ERN1: variants seen among roughly 807,000 people sequenced by gnomAD.
ERN1 encodes the protein serine/threonine-protein kinase/endoribonuclease IRE1.
In ERN1, 39 loss-of-function variants were observed where a neutral mutation model predicts 113.1. That is an observed-to-expected ratio of 0.34 (90% CI 0.27 to 0.45). The LOEUF (loss-of-function observed/expected upper bound fraction) is 0.45, where lower values mean the gene tolerates loss of function less well. Ranked by LOEUF, ERN1 falls within the 20% of genes least tolerant of loss-of-function variation. The probability of loss-of-function intolerance (pLI) is 1.00; values close to 1 mark genes in which losing one functional copy is unlikely to be tolerated. For synonymous variants in ERN1, 507 were observed against 515.9 expected (o/e 0.98, Z 0.23); for missense variants, 976 against 1,274.8 (o/e 0.77, Z 3.57).
At chr17:64,101,877 T>C (rs1914394449) in intron 1 of ERN1, among the ~76,000 whole-genome samples, 1 of 152,192 alleles carries the variant, frequency 6.6e-6, no homozygotes, top group African/African-American at 2.4e-5. Flanking sequence ...CAGTGCTCCT[T>C]TGCTACTAGT....
At chr17:64,098,943 T>C (rs549766918) in intron 1 of ERN1, among the ~76,000 whole-genome samples, 1 of 152,346 alleles carries the variant, frequency 6.6e-6, no homozygotes, top group African/African-American at 2.4e-5. Context: ...TGAAAATTAC[T>C]AGTATCATCT....
At chr17:64,111,114 G>A (rs1914659980) in intron 1 of ERN1, among the ~76,000 whole-genome samples, 1 of 152,112 alleles carries the variant, frequency 6.6e-6, no homozygotes, top group South Asian at 2.1e-4. Context: ...AGGCAGGAAT[G>A]GACAAGGGAC....
chr17:64,129,784 G>T, intron 1 of ERN1, 192 bp downstream of exon 1: 1 of 449,262 alleles, frequency 2.2e-6, no homozygotes, highest in South Asian at 9.8e-5. Flanking sequence ...CGCGACTCCC[G>T]TCAGGGAAGC....
chr17:64,052,932 C>T lies in ERN1; in HGVS notation c.2101G>A (p.Ala701Thr). 1 of 1,613,738 alleles carries T rather than the reference C, an allele frequency of 6.2e-7. No individual in the cohort carries two copies. Among genetic ancestry groups the T allele is most frequent in the South Asian group, 1.1e-5 (1 of 91,002 alleles). Residue 701 changes from alanine to threonine, a missense_variant, in exon 17 of 22, where the codon GCA (alanine) becomes ACA (threonine). Coordinates refer to ENST00000433197, the MANE Select transcript of ERN1 (RefSeq NM_001433.5). Reference protein sequence around the residue: ...PHNILISMPNAHGKIKAMISD... With the variant: ...PHNILISMPNTHGKIKAMISD... ...ATCATGGCCTTGATCTTGCCGTGTGCATTGGGCATGGATATGAGGATGTTG... is the reference window on the plus strand; with the variant it reads ...ATCATGGCCTTGATCTTGCCGTGTGTATTGGGCATGGATATGAGGATGTTG...
chr17:64,066,001 T>C (rs1433752476), intron 8 of ERN1, among the ~76,000 whole-genome samples: 2 of 152,146 alleles, frequency 1.3e-5, no homozygotes. Context: ...TTTTACAATC[T>C]AAACACTTGC....
chr17:64,107,093 C>T (rs148007394), intron 1 of ERN1, among the ~76,000 whole-genome samples: 55 of 152,102 alleles, frequency 3.6e-4, no homozygotes, highest in African/African-American at 1.1e-3. Context: ...GGAGACTGTC[C>T]GATCATGGCC....
chr17:64,084,257 C>T (rs1052786127), intron 2 of ERN1, among the ~76,000 whole-genome samples: 2 of 152,150 alleles, frequency 1.3e-5, no homozygotes, highest in Admixed American at 6.5e-5. Context: ...ATGACTCAAA[C>T]GACACTGTTG....
rs5821420 is a variant in ERN1, at chr17:64,075,251, T to TAAAAAAA, written c.283-11_283-5dup. On this transcript the variant is annotated splice_polypyrimidine_tract_variant and splice_region_variant and intron_variant, in intron 4 of 21. Coordinates refer to ENST00000433197, the MANE Select transcript of ERN1 (RefSeq NM_001433.5). ...CTGGGATGGTAAAAGGAAGTTTCTT[T>TAAAAAAA]AAAAAAAAAAAAAAAGAAAAAAAAA... 4.7e-6 allele frequency: 6 copies of TAAAAAAA among 1,288,864 alleles called. No homozygotes were observed. Among genetic ancestry groups the TAAAAAAA allele is most frequent in the Non-Finnish European group, 4.1e-6 (4 of 980,930 alleles). 79.8% of individuals were successfully genotyped at this position (1,288,864 alleles called of 1,614,324 possible).
intron 11 of ERN1, among the ~76,000 whole-genome samples, chr17:64,059,848 ATT>A (rs57472561): frequency 0.2 from 22,747 of 114,034 alleles, 2,172 homozygotes; most frequent in African/African-American, 0.29. Context: ...TTCTTCAACA[ATT>A]TTTTTTTTTT....
At chr17:64,092,059 T>C (rs964121473) in intron 2 of ERN1, among the ~76,000 whole-genome samples, 7 of 151,982 alleles carry the variant, frequency 4.6e-5, no homozygotes, top group Admixed American at 1.3e-4. Context: ...GGGGTGTATC[T>C]GAGGGCAGTG....
At chr17:64,055,481 A>C (rs1270790808) in intron 13 of ERN1, among the ~76,000 whole-genome samples, 194 bp downstream of exon 13, 1 of 152,242 alleles carries the variant, frequency 6.6e-6, no homozygotes, top group Non-Finnish European at 1.5e-5. Flanking sequence ...GGTGGTTCCC[A>C]GAAGGCCCTC....
chr17:64,095,535 A>G (rs761858898), intron 2 of ERN1, among the ~76,000 whole-genome samples: 1 of 152,128 alleles, frequency 6.6e-6, no homozygotes, highest in African/African-American at 2.4e-5. Context: ...ACTAGATTCT[A>G]CTGATTCTAT....
intron 5 of ERN1, 170 bp downstream of exon 5, chr17:64,075,005 C>G (rs1019790707): frequency 5.7e-5 from 34 of 600,018 alleles, no homozygotes; most frequent in Non-Finnish European, 8.9e-6. Flanking sequence ...GTTGGGGGAG[C>G]CCTTTCTTAA....
intron 6 of ERN1, 133 bp from the exon 7 acceptor site, chr17:64,068,424 A>G: frequency 3.1e-6 from 2 of 652,146 alleles, no homozygotes; most frequent in Non-Finnish European, 5.5e-6. Flanking sequence ...ATCCATGTCG[A>G]TAGAGAAAGG....
chr17:64,129,758 G>A (rs2143523186), intron 1 of ERN1: 1 of 405,406 alleles, frequency 2.5e-6, no homozygotes. Context: ...TCGGGCGGCC[G>A]ACGCCTCGGT....
intron 1 of ERN1, among the ~76,000 whole-genome samples, chr17:64,106,611 C>A (rs1483267325): frequency 6.6e-6 from 1 of 152,214 alleles, no homozygotes; most frequent in South Asian, 2.1e-4. Flanking sequence ...ATTCTGCTGG[C>A]TATAACCGGC....
chr17:64,045,607 C>T, intron 19 of ERN1, 125 bp from the exon 20 acceptor site: 2 of 1,135,376 alleles, frequency 1.8e-6, no homozygotes, highest in Non-Finnish European at 1.3e-6. Flanking sequence ...CAGCAGGCAC[C>T]CTGCCCCCTC....
intron 1 of ERN1, 105 bp from the exon 2 acceptor site, chr17:64,098,346 AT>A: frequency 7.2e-7 from 1 of 1,383,580 alleles, no homozygotes; most frequent in Non-Finnish European, 1.0e-6. Flanking sequence ...AAAACCCTCC[AT>A]TTTACAGATG....
chr17:64,128,885 A>C (rs1046418150), intron 1 of ERN1: 1 of 152,174 alleles, frequency 6.6e-6, no homozygotes, highest in Non-Finnish European at 1.5e-5. Context: ...TTATTTACCT[A>C]AAATGCAAAA....
Sources: allele counts gnomAD v4.1 joint callset (sites outside exome capture counted in the v4.1 genomes callset), GRCh38; gene constraint gnomAD v4.1.1; transcripts MANE v1.5; gene names NCBI Gene and HGNC (gene_info 2026-07-23, HGNC 2026-07-21).